The following XKR4 variants were observed in gnomAD, a reference collection of about 807,000 sequenced individuals.
XKR4 encodes XK related 4, also known as XK-related protein 4.
In XKR4, 12 loss-of-function variants were observed where a neutral mutation model predicts 53.9. That is an observed-to-expected ratio of 0.22 (90% CI 0.14 to 0.36). The LOEUF is 0.36. Ranked by LOEUF, XKR4 falls within the 10% of genes least tolerant of loss-of-function variation. XKR4 has a pLI of 1.00. For synonymous variants in XKR4, 354 were observed against 362.4 expected, an observed-to-expected ratio of 0.98 and a Z score of 0.26; for missense variants, 799 against 859.5, an observed-to-expected ratio of 0.93 and a Z score of 0.88.
intron 1 of XKR4, among the ~76,000 whole-genome samples, chr8:55,172,090 T>G (rs1817167297): frequency 6.6e-6 from 1 of 152,068 alleles, no homozygotes; most frequent in Non-Finnish European, 1.5e-5. Context: ...GCCGCATTCC[T>G]GTAATCCTAG....
intron 1 of XKR4, among the ~76,000 whole-genome samples, chr8:55,301,683 C>T (rs990323207): frequency 1.3e-4 from 20 of 152,142 alleles, no homozygotes; most frequent in Non-Finnish European, 1.5e-5. Context: ...TTAATGATCA[C>T]CATTCTAACT....
chr8:55,451,816 AC>A, intron 2 of XKR4: 1 of 974,254 alleles, frequency 1.0e-6, no homozygotes, highest in Non-Finnish European at 1.6e-6. Context: ...AGCCCTTTCC[AC>A]CAGGAGGCTG....
chr8:55,222,131 G>T (rs1171837137), intron 1 of XKR4, among the ~76,000 whole-genome samples: 3 of 152,054 alleles, frequency 2.0e-5, no homozygotes, highest in Non-Finnish European at 4.4e-5. Context: ...TTTTGTCCTG[G>T]TACTGTTAGT....
intron 2 of XKR4, among the ~76,000 whole-genome samples, chr8:55,461,280 C>T (rs1184507826): frequency 6.6e-6 from 1 of 152,202 alleles, no homozygotes; most frequent in Non-Finnish European, 1.5e-5. Flanking sequence ...ACAAAACTTC[C>T]AGAGGAACGA....
At chr8:55,315,343 G>A (rs1005078783) in intron 1 of XKR4, among the ~76,000 whole-genome samples, 3 of 152,238 alleles carry the variant, frequency 2.0e-5, no homozygotes, top group South Asian at 4.2e-4. Flanking sequence ...TGGGTTTTCC[G>A]CCCAGCCTTG....
rs541009230 is a variant in XKR4, at chr8:55,336,333, C to T, written c.807-21345C>T. 2.2e-3 allele frequency among the ~76,000 whole-genome samples: 337 copies of T among 152,210 alleles called. 1 individual carries two copies. Among genetic ancestry groups the T allele is most frequent in the Non-Finnish European group, 3.1e-3 (213 of 68,004 alleles). On this transcript the variant is annotated intron_variant, in intron 1 of 2. Coordinates refer to ENST00000327381, the MANE Select transcript of XKR4 (RefSeq NM_052898.2). ...CATGTAAGAAGTGCCTTTTGCCTCC[C>T]GCCACAATTCTGAGGCCTCCCCAGC...
chr8:55,391,530 A>G (rs1372004629), intron 2 of XKR4, among the ~76,000 whole-genome samples: 1 of 152,220 alleles, frequency 6.6e-6, no homozygotes, highest in Non-Finnish European at 1.5e-5. Context: ...TGTATGGTAT[A>G]TATCCTTTAT....
intron 1 of XKR4, among the ~76,000 whole-genome samples, chr8:55,135,992 C>G (rs550861152): frequency 6.6e-6 from 1 of 151,836 alleles, no homozygotes; most frequent in East Asian, 1.9e-4. Flanking sequence ...CTCCCGGGTT[C>G]AAGTGATGCT....
chr8:55,305,150 T>A (rs1172032827), intron 1 of XKR4, among the ~76,000 whole-genome samples: 2 of 152,182 alleles, frequency 1.3e-5, no homozygotes, highest in African/African-American at 4.8e-5. Flanking sequence ...CTTACATAGC[T>A]ATACAAACTT....
At chr8:55,162,202 T>C (rs571117888) in intron 1 of XKR4, among the ~76,000 whole-genome samples, 2 of 152,336 alleles carry the variant, frequency 1.3e-5, no homozygotes, top group South Asian at 2.1e-4. Flanking sequence ...CACAGTCTAC[T>C]GTGGTCCCTA....
At chr8:55,123,447 A>C (rs1391645762) in intron 1 of XKR4, among the ~76,000 whole-genome samples, 3 of 152,190 alleles carry the variant, frequency 2.0e-5, no homozygotes, top group Non-Finnish European at 4.4e-5. Context: ...CAGTGGGTGG[A>C]AGGAGTGGAT....
At chr8:55,175,608 C>G (rs776051834) in intron 1 of XKR4, among the ~76,000 whole-genome samples, 3 of 152,150 alleles carry the variant, frequency 2.0e-5, no homozygotes, top group Non-Finnish European at 4.4e-5. Context: ...AGAATTGCAT[C>G]CATTCAGAGT....
rs540588773 is a variant in XKR4, at chr8:55,332,078, C to T, written c.807-25600C>T. On this transcript the variant is annotated intron_variant, in intron 1 of 2. Transcript: ENST00000327381. ...ATTTTTTGTGGTGACATGTTTTGAT[C>T]ACCTTCTCGTTTCCTTTTGTGTATA... Among the ~76,000 whole-genome samples, 10 of 152,162 alleles carry T rather than the reference C, an allele frequency of 6.6e-5. No individual in the cohort carries two copies. The South Asian group carries it at 1.2e-3, about 19-fold the overall frequency.
rs1245205346 is a variant in XKR4, at chr8:55,536,417, TA to T, written c.*12191del. 7 of 152,224 alleles carry T rather than the reference TA, an allele frequency of 4.6e-5. No individual in the cohort carries two copies. The highest frequency in any genetic ancestry group is 1.7e-4 in the African/African-American group (7 of 41,446). 9.4% of individuals were successfully genotyped at this position (152,224 alleles called of 1,614,324 possible). A position where few individuals can be genotyped will look rare whatever the true frequency, so the allele number is the denominator to read the frequency against. ...CACTAAACCAAAGTAGACAAGGAGT[TA>T]TTAAAAAATAAAGACTGTCCACATG... On this transcript the variant is annotated 3_prime_UTR_variant, in exon 3 of 3. Transcript: ENST00000327381.
intron 2 of XKR4, among the ~76,000 whole-genome samples, chr8:55,473,375 A>G (rs956541495): frequency 3.3e-5 from 5 of 152,088 alleles, no homozygotes; most frequent in Non-Finnish European, 5.9e-5. Flanking sequence ...TATCTTATTT[A>G]TTTTACTAAT....
chr8:55,198,789 T>C (rs1425567864), intron 1 of XKR4, among the ~76,000 whole-genome samples: 1 of 152,194 alleles, frequency 6.6e-6, no homozygotes, highest in African/African-American at 2.4e-5. Context: ...TAGTGGGTGA[T>C]AGCCAGAATC....
intron 2 of XKR4, among the ~76,000 whole-genome samples, chr8:55,396,398 G>GTTTTTTTTT (rs1478254228): frequency 2.7e-5 from 1 of 36,478 alleles, no homozygotes; most frequent in Admixed American, 3.5e-4. Flanking sequence ...TTTTTTGTTT[G>GTTTTTTTTT]GTTTTTTTTT....
At chr8:55,376,278 G>T (rs559142077) in intron 2 of XKR4, among the ~76,000 whole-genome samples, 2 of 152,184 alleles carry the variant, frequency 1.3e-5, no homozygotes, top group African/African-American at 4.8e-5. Context: ...TGGTATTTCT[G>T]GTTCTAGGTC....
At chr8:55,452,179 T>C in intron 2 of XKR4, 1 of 723,652 alleles carries the variant, frequency 1.4e-6, no homozygotes, top group Non-Finnish European at 2.4e-6. Flanking sequence ...AGCTCGGCAC[T>C]GTCAGACCCC....
Sources: gnomAD v4.1 joint callset for allele counts (sites outside exome capture counted in the v4.1 genomes callset) on GRCh38, gnomAD v4.1.1 for gene constraint, MANE v1.5 for transcripts, NCBI Gene and HGNC (gene_info 2026-07-23, HGNC 2026-07-21) for gene names.